Variants in SIPA1L2 observed in about 807,000 individuals in gnomAD.
SIPA1L2 encodes signal induced proliferation associated 1 like 2.
A neutral mutation model predicts 163.9 loss-of-function variants in SIPA1L2; 56 were observed. The ratio of observed to expected loss-of-function variants is 0.34; its 90% confidence interval spans 0.28 to 0.43. The LOEUF (loss-of-function observed/expected upper bound fraction) is 0.43, where lower values mean the gene tolerates loss of function less well. Ranked by LOEUF, SIPA1L2 falls within the 20% of genes least tolerant of loss-of-function variation. The pLI, the probability that SIPA1L2 is intolerant of heterozygous loss-of-function variation, is 1.00. For missense variants in SIPA1L2, 1,974 were observed against 2,193.5 expected (o/e 0.90, Z 2.00); for synonymous variants, 877 against 865.7 (o/e 1.01, Z -0.23).
chr1:232,413,414 T>C (rs903873965), intron 19 of SIPA1L2, among the ~76,000 whole-genome samples: 1 of 151,992 alleles, frequency 6.6e-6, no homozygotes, highest in Non-Finnish European at 1.5e-5. Flanking sequence ...GAAAAAAAAA[T>C]GCATTTTCTA....
At position 232,402,559 on chromosome 1, in the gene SIPA1L2, T is replaced by C. The variant is rs1660410250; in HGVS notation, c.4941-86A>G. 4 of 1,143,818 alleles carry C rather than the reference T, an allele frequency of 3.5e-6. No homozygotes were observed. In the South Asian group the frequency reaches 5.5e-5, roughly 16 times the overall value. 70.9% of individuals were successfully genotyped at this position (1,143,818 alleles called of 1,614,324 possible). A position where few individuals can be genotyped will look rare whatever the true frequency, so the allele number is the denominator to read the frequency against. On this transcript the variant is annotated intron_variant, in intron 21 of 22. Transcript: ENST00000674635. ...CAAGTTTTCACTCGAAAAAATTATT[T>C]CATGTGCTTAGAGCCCAGCAAGCAG...
chr1:232,563,959 G>T (rs1456404258), intron 2 of SIPA1L2, among the ~76,000 whole-genome samples: 14 of 53,858 alleles, frequency 2.6e-4, no homozygotes, highest in African/African-American at 1.3e-3. Flanking sequence ...TTTTTTTCGT[G>T]TGTGTGTGTG....
intron 2 of SIPA1L2, among the ~76,000 whole-genome samples, chr1:232,563,817 C>A (rs190238009): frequency 6.6e-6 from 1 of 150,812 alleles, no homozygotes; most frequent in Admixed American, 6.6e-5. Context: ...CGGGTTCAAG[C>A]GATTCTCCTG....
At chr1:232,502,078 A>T (rs1666508508) in intron 3 of SIPA1L2, among the ~76,000 whole-genome samples, 1 of 152,332 alleles carries the variant, frequency 6.6e-6, no homozygotes, top group Non-Finnish European at 1.5e-5. Context: ...TTACTGTGCA[A>T]TGTTATAATT....
At chr1:232,422,296 A>G (rs1002807249) in intron 18 of SIPA1L2, among the ~76,000 whole-genome samples, 4 of 152,260 alleles carry the variant, frequency 2.6e-5, no homozygotes, top group Admixed American at 2.6e-4. Context: ...CACAGGAAAT[A>G]TACATGAATC....
intron 7 of SIPA1L2, among the ~76,000 whole-genome samples, chr1:232,477,877 A>C (rs752663506): frequency 9.2e-5 from 14 of 152,218 alleles, no homozygotes; most frequent in Non-Finnish European, 1.6e-4. Flanking sequence ...CAATGACTCA[A>C]GTAATCAGGG....
At chr1:232,553,151 T>C (rs927965420) in intron 2 of SIPA1L2, among the ~76,000 whole-genome samples, 3 of 152,138 alleles carry the variant, frequency 2.0e-5, no homozygotes, top group African/African-American at 7.2e-5. Flanking sequence ...CTCAGCAGGA[T>C]GGATGAGGAG....
intron 19 of SIPA1L2, among the ~76,000 whole-genome samples, chr1:232,415,090 T>C (rs1414172683): frequency 6.6e-6 from 1 of 152,216 alleles, no homozygotes; most frequent in African/African-American, 2.4e-5. Context: ...TCTCGGCCTG[T>C]GCTTGTCCGG....
chr1:232,443,158 AGCTGCTG>A (rs1023804769), intron 12 of SIPA1L2, among the ~76,000 whole-genome samples: 19 of 152,166 alleles, frequency 1.2e-4, no homozygotes, highest in Non-Finnish European at 1.5e-5. Flanking sequence ...GCTCTGCCTG[AGCTGCTG>A]GCTACTGCGG....
At chr1:232,535,021 C>T (rs1235430789) in intron 2 of SIPA1L2, among the ~76,000 whole-genome samples, 1 of 152,178 alleles carries the variant, frequency 6.6e-6, no homozygotes, top group African/African-American at 2.4e-5. Context: ...ATGTAATACG[C>T]TATGACAGGA....
At chr1:232,609,961 G>A (rs10910575) in intron 1 of SIPA1L2, among the ~76,000 whole-genome samples, 25,813 of 151,864 alleles carry the variant, frequency 0.17, 2,921 homozygotes, top group African/African-American at 0.33. Context: ...ATGGAGACCC[G>A]ATCTCTCACT....
Position 232,491,039 on chromosome 1 carries a change from A to C in SIPA1L2, c.1641T>G (p.Ile547Met). The C allele has an allele frequency of 6.2e-7, 1 of 1,613,590 alleles. No homozygotes were observed. The highest frequency in any genetic ancestry group is 2.2e-5 in the East Asian group (1 of 44,874). ...CAGTAGAGGGTATAGCATCTTCTAAAATTGCTCCTCTCAGTGTTGTAAGCT... is the reference window on the plus strand; with the variant it reads ...CAGTAGAGGGTATAGCATCTTCTAACATTGCTCCTCTCAGTGTTGTAAGCT... ...TSELTTLRGA[I>M]LEDAIPSTAR... Residue 547 changes from isoleucine to methionine, a missense_variant, in exon 5 of 23, where the codon ATT becomes ATG. Around this residue, in one of 3 missense-constraint regions of SIPA1L2, gnomAD observed 288 missense variants for 418.9 expected, o/e 0.69. Transcript: ENST00000674635.
At chr1:232,532,184 T>C (rs902226653) in intron 2 of SIPA1L2, among the ~76,000 whole-genome samples, 3 of 152,046 alleles carry the variant, frequency 2.0e-5, no homozygotes, top group East Asian at 1.9e-4. Flanking sequence ...GCAGTACAGA[T>C]GGTGAGAAGC....
At chr1:232,496,191 T>G (rs543750907) in intron 3 of SIPA1L2, among the ~76,000 whole-genome samples, 1 of 152,286 alleles carries the variant, frequency 6.6e-6, no homozygotes, top group Admixed American at 6.5e-5. Context: ...TTTTGATCTT[T>G]CATACAGTAT....
chr1:232,602,327 T>TTTTTG (rs1329224270), intron 1 of SIPA1L2, among the ~76,000 whole-genome samples: 2 of 151,950 alleles, frequency 1.3e-5, no homozygotes, highest in Non-Finnish European at 2.9e-5. Context: ...CTCAGAAGGT[T>TTTTTG]TTTTGTTTTG....
At chr1:232,566,088 T>C (rs1037838578) in intron 2 of SIPA1L2, among the ~76,000 whole-genome samples, 2 of 152,212 alleles carry the variant, frequency 1.3e-5, no homozygotes, top group Non-Finnish European at 2.9e-5. Context: ...ATGTTGGAAA[T>C]TCAGTTTTTA....
At chr1:232,551,379 G>GTATC (rs1355712622) in intron 2 of SIPA1L2, among the ~76,000 whole-genome samples, 2 of 152,308 alleles carry the variant, frequency 1.3e-5, no homozygotes, top group African/African-American at 4.8e-5. Flanking sequence ...TCAACATCCA[G>GTATC]TATCTAAGGA....
chr1:232,422,518 T>C (rs1661632306), intron 18 of SIPA1L2, among the ~76,000 whole-genome samples: 1 of 152,206 alleles, frequency 6.6e-6, no homozygotes, highest in Admixed American at 6.5e-5. Flanking sequence ...CAGTTACTGG[T>C]GCTTTGCCCT....
intron 1 of SIPA1L2, among the ~76,000 whole-genome samples, chr1:232,575,817 C>T (rs1484207324): frequency 6.6e-6 from 1 of 152,110 alleles, no homozygotes. Flanking sequence ...ATGGGAAATA[C>T]GTGCCGTGGA....
Sources: allele counts gnomAD v4.1 joint callset (sites outside exome capture counted in the v4.1 genomes callset), GRCh38; gene constraint gnomAD v4.1.1; regional missense constraint gnomAD v4.1.1; transcripts MANE v1.5; gene names NCBI Gene and HGNC (gene_info 2026-07-23, HGNC 2026-07-21).